Variants in SYNDIG1 observed in about 807,000 individuals in gnomAD.
SYNDIG1 encodes synapse differentiation inducing 1, also known as synapse differentiation-inducing gene protein 1.
A neutral mutation model predicts 19.4 loss-of-function variants in SYNDIG1; 9 were observed. That is an observed-to-expected ratio of 0.46 (90% CI 0.28 to 0.81). The LOEUF (loss-of-function observed/expected upper bound fraction) is 0.81, where lower values mean the gene tolerates loss of function less well. Ranked by LOEUF, SYNDIG1 falls within the 30% of genes least tolerant of loss-of-function variation. The pLI is 0.12. For missense variants in SYNDIG1, 311 were observed against 343.3 expected (o/e 0.91, Z 0.74); for synonymous variants, 141 against 145.9 (o/e 0.97, Z 0.24).
At chr20:24,480,544 T>C (rs924052796) in intron 1 of SYNDIG1, among the ~76,000 whole-genome samples, 1 of 152,222 alleles carries the variant, frequency 6.6e-6, no homozygotes, top group African/African-American at 2.4e-5. Context: ...GAGGACGTAG[T>C]TGCTATGGAA....
chr20:24,586,307 C>T (rs1334057048), intron 3 of SYNDIG1, among the ~76,000 whole-genome samples: 1 of 152,298 alleles, frequency 6.6e-6, no homozygotes, highest in South Asian at 2.1e-4. Flanking sequence ...GAGCGTCTGT[C>T]GGAGCTTCTC....
intron 2 of SYNDIG1, among the ~76,000 whole-genome samples, chr20:24,545,810 T>C (rs563993630): frequency 2.7e-4 from 41 of 152,316 alleles, no homozygotes; most frequent in African/African-American, 9.4e-4. Context: ...CTTTTAATAA[T>C]ACAGCAATAA....
chr20:24,616,592 C>T (rs761496175), intron 3 of SYNDIG1, among the ~76,000 whole-genome samples: 9 of 152,272 alleles, frequency 5.9e-5, no homozygotes, highest in Non-Finnish European at 7.4e-5. Flanking sequence ...AGCTGATTTG[C>T]GGGGAGCAGC....
chr20:24,551,371 CTATT>C (rs913149375), intron 2 of SYNDIG1, among the ~76,000 whole-genome samples: 18 of 152,196 alleles, frequency 1.2e-4, no homozygotes, highest in African/African-American at 3.6e-4. Flanking sequence ...TTAAGTTTCT[CTATT>C]TCTTTCTTGG....
At chr20:24,662,479 G>A (rs1274063704) in intron 3 of SYNDIG1, among the ~76,000 whole-genome samples, 1 of 152,146 alleles carries the variant, frequency 6.6e-6, no homozygotes, top group African/African-American at 2.4e-5. Context: ...GGCTACGTCT[G>A]ATGCCCTGCA....
chr20:24,570,746 T>G (rs1235507877), intron 2 of SYNDIG1, among the ~76,000 whole-genome samples: 2 of 152,220 alleles, frequency 1.3e-5, no homozygotes, highest in African/African-American at 4.8e-5. Context: ...ACTGTCAGTT[T>G]CAAACACCAT....
chr20:24,566,188 C>A (rs1307268537), intron 2 of SYNDIG1, among the ~76,000 whole-genome samples: 1 of 152,122 alleles, frequency 6.6e-6, no homozygotes, highest in Non-Finnish European at 1.5e-5. Flanking sequence ...TGGTTGAAGG[C>A]CTGCTGGCTG....
intron 1 of SYNDIG1, among the ~76,000 whole-genome samples, chr20:24,479,797 C>A (rs929299835): frequency 6.6e-6 from 1 of 152,174 alleles, no homozygotes; most frequent in Non-Finnish European, 1.5e-5. Context: ...GCCTCTGGGG[C>A]GCTCCTCTCG....
chr20:24,615,358 G>C (rs551641464), intron 3 of SYNDIG1, among the ~76,000 whole-genome samples: 43 of 152,282 alleles, frequency 2.8e-4, no homozygotes, highest in Admixed American at 2.2e-3. Flanking sequence ...TGATGAGCGA[G>C]ACCTGGGTTC....
intron 3 of SYNDIG1, among the ~76,000 whole-genome samples, chr20:24,661,165 A>G (rs2059581353): frequency 6.6e-6 from 1 of 152,156 alleles, no homozygotes; most frequent in African/African-American, 2.4e-5. Context: ...TTTAGAAAAT[A>G]GGCAAAGGCT....
chr20:24,540,698 C>T (rs1380682953), intron 1 of SYNDIG1, among the ~76,000 whole-genome samples: 1 of 152,134 alleles, frequency 6.6e-6, no homozygotes, highest in African/African-American at 2.4e-5. Context: ...TGGTGTATTA[C>T]AATGATTGAT....
intron 3 of SYNDIG1, among the ~76,000 whole-genome samples, chr20:24,585,385 A>G (rs1415729945): frequency 1.3e-5 from 2 of 152,144 alleles, no homozygotes; most frequent in East Asian, 3.9e-4. Flanking sequence ...CATTGAACTT[A>G]ATGAGAGAGG....
At chr20:24,579,976 T>A (rs1257470021) in intron 2 of SYNDIG1, among the ~76,000 whole-genome samples, 2 of 152,294 alleles carry the variant, frequency 1.3e-5, no homozygotes, top group South Asian at 2.1e-4. Flanking sequence ...GAGCCCTCTC[T>A]CTCTGTGGAG....
At position 24,505,461 on chromosome 20, in the gene SYNDIG1, C is replaced by G. The variant is rs1290309651; in HGVS notation, c.-79+35708C>G. On this transcript the variant is annotated intron_variant, in intron 1 of 3. Transcript: ENST00000376862. The stretch of plus-strand genomic sequence containing the variant: ...ATATCCAAACCCCAGATCTGCCCCC[C>G]TTACTCAACCTAGCAGCTAAATTGG... Among the ~76,000 whole-genome samples, 3 of 152,192 alleles carry G rather than the reference C, an allele frequency of 2.0e-5. No individual in the cohort carries two copies. The South Asian group carries it at 6.2e-4, about 32-fold the overall frequency.
chr20:24,634,843 A>G (rs550752256), intron 3 of SYNDIG1, among the ~76,000 whole-genome samples: 1 of 152,304 alleles, frequency 6.6e-6, no homozygotes, highest in African/African-American at 2.4e-5. Flanking sequence ...GTCCTGGAGT[A>G]TCTTCAGTGG....
chr20:24,603,182 G>A (rs1040987606), intron 3 of SYNDIG1, among the ~76,000 whole-genome samples: 2 of 152,038 alleles, frequency 1.3e-5, no homozygotes, highest in South Asian at 2.1e-4. Context: ...GTTCTGCTTG[G>A]TCATTTCATA....
intron 1 of SYNDIG1, among the ~76,000 whole-genome samples, chr20:24,483,450 T>C (rs2055854669): frequency 1.3e-5 from 2 of 152,152 alleles, no homozygotes; most frequent in South Asian, 4.1e-4. Context: ...TGACTGAAAA[T>C]CTGTTTCTTA....
intron 3 of SYNDIG1, among the ~76,000 whole-genome samples, chr20:24,659,589 G>T (rs1254699456): frequency 6.6e-6 from 1 of 152,232 alleles, no homozygotes; most frequent in Non-Finnish European, 1.5e-5. Flanking sequence ...AGAAGCTGTG[G>T]CCCGGAAGAT....
intron 3 of SYNDIG1, among the ~76,000 whole-genome samples, chr20:24,623,519 C>G (rs1485949851): frequency 6.6e-6 from 1 of 152,134 alleles, no homozygotes; most frequent in Non-Finnish European, 1.5e-5. Flanking sequence ...TTTTCTTACT[C>G]ATAATTTATC....
Sources: gnomAD v4.1 joint callset for allele counts (sites outside exome capture counted in the v4.1 genomes callset) on GRCh38, gnomAD v4.1.1 for gene constraint, MANE v1.5 for transcripts, NCBI Gene and HGNC (gene_info 2026-07-23, HGNC 2026-07-21) for gene names.